The following CD163 variants were observed in gnomAD, a reference collection of about 807,000 sequenced individuals.
CD163 encodes scavenger receptor cysteine-rich type 1 protein M130.
CD163 carries 64 observed loss-of-function variants against 129.2 expected under a neutral mutation model. The observed-to-expected ratio is 0.50, with a 90% CI of 0.41 to 0.61. CD163 has a LOEUF of 0.61. CD163 is among the 20% of genes least tolerant of loss of function. The probability of loss-of-function intolerance (pLI) is 0.00; values close to 1 mark genes in which losing one functional copy is unlikely to be tolerated. For synonymous variants in CD163, 446 were observed against 478.5 expected, an observed-to-expected ratio of 0.93 and a Z score of 0.89; for missense variants, 1,061 against 1,377.9, an observed-to-expected ratio of 0.77 and a Z score of 3.64.
chr12:7,489,949 C>T (rs1218386587), intron 6 of CD163, among the ~76,000 whole-genome samples: 2 of 152,026 alleles, frequency 1.3e-5, no homozygotes, highest in Non-Finnish European at 2.9e-5. Flanking sequence ...TTCTGTGCCT[C>T]TGTAGAAACT....
chr12:7,503,210 T>TA (rs1473122083), intron 1 of CD163, among the ~76,000 whole-genome samples: 4 of 152,234 alleles, frequency 2.6e-5, no homozygotes, highest in Admixed American at 6.5e-5. Flanking sequence ...ATCTTCTCGT[T>TA]ACTCTAACCC....
In CD163 at chr12:7,479,969, C is replaced by T. The variant is rs114949843; in HGVS notation, c.3344-56G>A. The T allele has an allele frequency of 4.7e-4, 761 of 1,610,914 alleles. 1 individual carries two copies. In the African/African-American group the frequency reaches 8.9e-3, roughly 19 times the overall value. ...AGACACAGAAATTAGTTCAGCAGCA[C>T]TGAAATCAGCTGACTCATGGGAATT... On this transcript the variant is annotated intron_variant, in intron 15 of 16. Transcript: ENST00000432237.
intron 16 of CD163, among the ~76,000 whole-genome samples, chr12:7,472,759 G>A (rs752058430): frequency 2.0e-5 from 3 of 152,264 alleles, no homozygotes; most frequent in South Asian, 2.1e-4. Context: ...TCAGAAGGTG[G>A]ATACTAACAA....
chr12:7,475,036 A>C lies in CD163; in HGVS notation c.*32-3639T>G, dbSNP rs193136822. Among the ~76,000 whole-genome samples the C allele has an allele frequency of 1.1e-4, 16 of 141,478 alleles. No individual in the cohort carries two copies. The East Asian group carries it at 3.4e-3, about 30-fold the overall frequency. 92.8% of individuals were successfully genotyped at this position (141,478 alleles called of 152,430 possible). The stretch of plus-strand genomic sequence containing the variant: ...CCAAGACTAAACGAGGAAGAAGTCG[A>C]ATTTCTGACTAGACCAATAACAAGT... On this transcript the variant is annotated intron_variant, in intron 16 of 16. Transcript: ENST00000432237.
At chr12:7,476,208 G>A (rs776306758) in intron 16 of CD163, among the ~76,000 whole-genome samples, 14 of 152,150 alleles carry the variant, frequency 9.2e-5, no homozygotes, top group Admixed American at 8.5e-4. Flanking sequence ...AGCTACCATC[G>A]ACTTTCTTTA....
At position 7,470,937 on chromosome 12, in the gene CD163, C is replaced by G. The variant is rs1176235080; in HGVS notation, c.*492G>C. 6.6e-6 allele frequency: 1 copy of G among 151,960 alleles called. No individual in the cohort carries two copies. The highest frequency in any genetic ancestry group is 2.4e-5 in the African/African-American group (1 of 41,354). The allele number at this position is 151,960 out of a possible 1,614,324, so 9.4% of individuals were successfully genotyped here. A position where few individuals can be genotyped will look rare whatever the true frequency, so the allele number is the denominator to read the frequency against. On this transcript the variant is annotated 3_prime_UTR_variant, in exon 17 of 17. Transcript: ENST00000432237. Reference sequence around the variant, plus strand: ...AGTTAGCCATATATTATTTACAGACCCTTCAATATCATTAACTTTTCCTGT... The same window carrying G: ...AGTTAGCCATATATTATTTACAGACGCTTCAATATCATTAACTTTTCCTGT...
At chr12:7,474,202 C>T (rs1267136751) in intron 16 of CD163, among the ~76,000 whole-genome samples, 4 of 152,026 alleles carry the variant, frequency 2.6e-5, no homozygotes, top group African/African-American at 9.7e-5. Context: ...ATATTCAGGA[C>T]CTGAACACAG....
rs1197531173 is a variant in CD163 at position 7,488,045 on chromosome 12, G to C, written c.1463C>G (p.Ser488Cys). ...ACCATGCTTCACTTCAACACGTCCA[G>C]AACAGGGAATGTCCCCTCCAACCAG... ...PRLVGGDIPC[S>C]GRVEVKHGDT... Residue 488 changes from serine (S) to cysteine (C), a missense_variant, in exon 7 of 17, where the codon TCT becomes TGT. Ser to Cys is a moderately radical substitution (Grantham distance 112). Coordinates refer to ENST00000432237, the MANE Select transcript of CD163 (RefSeq NM_203416.4). 1 of 1,613,870 alleles carries C rather than the reference G, an allele frequency of 6.2e-7. No individual in the cohort carries two copies. The highest frequency in any genetic ancestry group is 8.5e-7 in the Non-Finnish European group (1 of 1,179,942).
At position 7,487,906 on chromosome 12, in the gene CD163, T is replaced by C; in HGVS notation, c.1602A>G (p.Gly534=). 4 of 1,614,048 alleles carry C rather than the reference T, an allele frequency of 2.5e-6. No homozygotes were observed. The highest frequency in any genetic ancestry group is 3.4e-6 in the Non-Finnish European group (4 of 1,180,004). ...CAGCCCAGATCTGTCCATTTCCCTCTCCAAAGTGAGCTCCCCCCAGGATAG... is the reference window on the plus strand; with the variant it reads ...CAGCCCAGATCTGTCCATTTCCCTCCCCAAAGTGAGCTCCCCCCAGGATAG... ...VVSILGGAHF[G]EGNGQIWAEE... The change falls in exon 7 of 17, where the codon GGA becomes GGG. Residue 534 remains glycine, a synonymous_variant. Transcript: ENST00000432237. The surrounding 1 kb of genome is among the most constrained non-coding windows in gnomAD (Gnocchi z 5.1).
chr12:7,481,077 G>T, intron 15 of CD163, 84 bp downstream of exon 15: 2 of 1,529,592 alleles, frequency 1.3e-6, no homozygotes, highest in Admixed American at 2.0e-5. Flanking sequence ...TTTTTTAACT[G>T]TTTATCAAAG....
rs1949183331 is a variant in CD163 at position 7,482,961 on chromosome 12, T to C, written c.3127+5A>G. Reference sequence around the variant, plus strand: ...GGTCTCATCATCATAAACTCCATGATATACCTGTTGTGGCTTTTTGTGGGG... The same window carrying C: ...GGTCTCATCATCATAAACTCCATGACATACCTGTTGTGGCTTTTTGTGGGG... On this transcript the variant is annotated splice_donor_5th_base_variant and intron_variant, in intron 13 of 16. Coordinates refer to ENST00000432237, the MANE Select transcript of CD163 (RefSeq NM_203416.4). 2 of 1,613,560 alleles carry C rather than the reference T, an allele frequency of 1.2e-6. No individual in the cohort carries two copies. The highest frequency in any genetic ancestry group is 1.1e-5 in the South Asian group (1 of 91,050).
At chr12:7,488,131 A>G (rs1949282563) in intron 6 of CD163, 44 bp from the exon 7 acceptor site, 1 of 1,517,692 alleles carries the variant, frequency 6.6e-7, no homozygotes, top group African/African-American at 1.4e-5. Context: ...TATGATTTCC[A>G]GATTTCCATT....
intron 16 of CD163, among the ~76,000 whole-genome samples, chr12:7,477,030 A>G (rs1949097420): frequency 6.6e-6 from 1 of 152,240 alleles, no homozygotes; most frequent in Non-Finnish European, 1.5e-5. Flanking sequence ...AATCAAAACC[A>G]CAATGAGATA....
At chr12:7,478,504 G>C (rs1426432317) in intron 16 of CD163, among the ~76,000 whole-genome samples, 1 of 151,980 alleles carries the variant, frequency 6.6e-6, no homozygotes, top group Non-Finnish European at 1.5e-5. Flanking sequence ...TCTTTTCATA[G>C]CTTTGCCCAA....
In CD163 at chr12:7,473,108, C is replaced by G. The variant is rs1014809845; in HGVS notation, c.*32-1711G>C. The G allele has an allele frequency of 3.3e-5, 5 of 152,116 alleles. No homozygotes were observed. In the South Asian group the frequency reaches 8.3e-4, roughly 25 times the overall value. The allele number at this position is 152,116 out of a possible 1,614,324, so 9.4% of individuals were successfully genotyped here. ...ACAAACCTATGATTGATTGGTGTAC[C>G]TGAAAGTGATGGGGAGAATGGAACC... On this transcript the variant is annotated intron_variant, in intron 16 of 16. Coordinates refer to ENST00000432237, the MANE Select transcript of CD163 (RefSeq NM_203416.4).
At chr12:7,502,862 A>G (rs925366849) in intron 1 of CD163, 20 of 551,166 alleles carry the variant, frequency 3.6e-5, no homozygotes, top group South Asian at 2.7e-4. Flanking sequence ...AACAACATCA[A>G]TGAAACTTAG....
chr12:7,499,562 A>G (rs1179717225), intron 3 of CD163, among the ~76,000 whole-genome samples: 3 of 152,244 alleles, frequency 2.0e-5, no homozygotes, highest in Non-Finnish European at 1.5e-5. Context: ...TTCAAAAAGC[A>G]AATTGATTAA....
In CD163 at chr12:7,489,097, G is replaced by A. The variant is rs761262811; in HGVS notation, c.1421-1010C>T. 2.0e-5 allele frequency among the ~76,000 whole-genome samples: 3 copies of A among 152,178 alleles called. No homozygotes were observed. In the South Asian group the frequency reaches 6.2e-4, roughly 32 times the overall value. On this transcript the variant is annotated intron_variant, in intron 6 of 16. Transcript: ENST00000432237. ...AGGTGAGGTGTAGTAATTTGCTAAG[G>A]TCACACAAGAAATTACTACAGAATT...
chr12:7,497,846 C>T (rs1487829462), intron 4 of CD163, among the ~76,000 whole-genome samples: 1 of 152,166 alleles, frequency 6.6e-6, no homozygotes, highest in Non-Finnish European at 1.5e-5. Flanking sequence ...AAGGTACAGT[C>T]TGTGTTTTTT....
Sources: allele counts gnomAD v4.1 joint callset (sites outside exome capture counted in the v4.1 genomes callset), GRCh38; gene constraint gnomAD v4.1.1; non-coding constraint Gnocchi (gnomAD v3.1); transcripts MANE v1.5; gene names NCBI Gene and HGNC (gene_info 2026-07-23, HGNC 2026-07-21).